ZNF423: variants seen among roughly 807,000 people sequenced by gnomAD.
ZNF423 encodes the protein Ebf-associated zinc finger protein.
ZNF423 carries 12 observed loss-of-function variants against 95.8 expected under a neutral mutation model. The ratio of observed to expected loss-of-function variants is 0.13; its 90% confidence interval spans 0.08 to 0.20. The LOEUF (loss-of-function observed/expected upper bound fraction) is 0.20. Among genes scored for constraint, ZNF423 ranks in the 10% least tolerant of loss-of-function variants. The pLI, the probability that ZNF423 is intolerant of heterozygous loss-of-function variation, is 1.00. For missense variants in ZNF423, 1,316 were observed against 1,737.1 expected, an observed-to-expected ratio of 0.76 and a Z score of 4.31; for synonymous variants, 749 against 711.9, an observed-to-expected ratio of 1.05 and a Z score of -0.83.
chr16:49,744,473 C>T (rs184419758), intron 2 of ZNF423, among the ~76,000 whole-genome samples: 2 of 151,244 alleles, frequency 1.3e-5, no homozygotes, highest in African/African-American at 2.4e-5. Flanking sequence ...GTGGGGTGTC[C>T]CCAGGCCCAG....
intron 3 of ZNF423, among the ~76,000 whole-genome samples, chr16:49,666,680 G>A (rs2030562492): frequency 6.6e-6 from 1 of 152,176 alleles, no homozygotes; most frequent in Non-Finnish European, 1.5e-5. Flanking sequence ...TCAAGCTCCT[G>A]CCTAACAGCT....
At chr16:49,856,730 C>A (rs2035375151), upstream of ZNF423, among the ~76,000 whole-genome samples, 1 of 147,796 alleles carries the variant, frequency 6.8e-6, no homozygotes, top group African/African-American at 2.4e-5. Context: ...CGCGCCCGTG[C>A]CCCGGGCATC....
At chr16:49,739,369 A>T (rs140762942) in intron 2 of ZNF423, among the ~76,000 whole-genome samples, 12 of 152,194 alleles carry the variant, frequency 7.9e-5, no homozygotes, top group African/African-American at 2.4e-4. Flanking sequence ...GCTCCTGAGG[A>T]TGCAGGAGGA....
intron 3 of ZNF423, among the ~76,000 whole-genome samples, chr16:49,728,116 AG>A (rs2033074621): frequency 6.6e-6 from 1 of 152,122 alleles, no homozygotes; most frequent in Admixed American, 6.5e-5. Flanking sequence ...ACCACACCAT[AG>A]CCCCAGAGAT....
chr16:49,523,400 C>T (rs555560098), intron 7 of ZNF423, among the ~76,000 whole-genome samples: 1 of 152,364 alleles, frequency 6.6e-6, no homozygotes, highest in East Asian at 1.9e-4. Context: ...AAGCTTCTGA[C>T]TCCTGCTCTG....
intron 3 of ZNF423, among the ~76,000 whole-genome samples, chr16:49,699,826 A>C (rs975580952): frequency 6.6e-6 from 1 of 152,208 alleles, no homozygotes; most frequent in Non-Finnish European, 1.5e-5. Flanking sequence ...GAAGTGGGCT[A>C]AATTTTTATC....
chr16:49,707,197 C>G (rs2032381617), intron 3 of ZNF423, among the ~76,000 whole-genome samples: 1 of 152,178 alleles, frequency 6.6e-6, no homozygotes, highest in Non-Finnish European at 1.5e-5. Flanking sequence ...GTCACCTCTG[C>G]TTCCCCAGGG....
chr16:49,669,592 T>C (rs1359618023), intron 3 of ZNF423, among the ~76,000 whole-genome samples: 2 of 152,228 alleles, frequency 1.3e-5, no homozygotes, highest in African/African-American at 4.8e-5. Flanking sequence ...TTACGGGATC[T>C]GGGCCCACCA....
chr16:49,672,252 T>A (rs2030846984), intron 3 of ZNF423, among the ~76,000 whole-genome samples: 1 of 151,906 alleles, frequency 6.6e-6, no homozygotes, highest in South Asian at 2.1e-4. Flanking sequence ...AAAAAAAAAA[T>A]TCAGGTTTCT....
At chr16:49,538,801 GT>G (rs1289489710) in intron 5 of ZNF423, among the ~76,000 whole-genome samples, 1 of 152,208 alleles carries the variant, frequency 6.6e-6, no homozygotes, top group Non-Finnish European at 1.5e-5. Flanking sequence ...CCAAAAAGGA[GT>G]TTTCGTTGCA....
At chr16:49,693,134 C>T (rs2031849399) in intron 3 of ZNF423, among the ~76,000 whole-genome samples, 1 of 152,248 alleles carries the variant, frequency 6.6e-6, no homozygotes, top group Non-Finnish European at 1.5e-5. Context: ...GTTCTGAGCA[C>T]TTTAAATTGA....
intron 5 of ZNF423, among the ~76,000 whole-genome samples, chr16:49,574,237 T>C (rs1226977572): frequency 6.6e-6 from 1 of 152,090 alleles, no homozygotes; most frequent in African/African-American, 2.4e-5. Context: ...TTTTAAAAAT[T>C]AGCCATGCAT....
intron 1 of ZNF423, among the ~76,000 whole-genome samples, chr16:49,846,407 C>T (rs1378392283): frequency 6.6e-6 from 1 of 151,402 alleles, no homozygotes; most frequent in Non-Finnish European, 1.5e-5. Flanking sequence ...TTGCCAGAAA[C>T]ACACCCAAAG....
At chr16:49,703,184 G>A (rs4785182) in intron 3 of ZNF423, among the ~76,000 whole-genome samples, 37,584 of 152,134 alleles carry the variant, frequency 0.25, 5,010 homozygotes, top group South Asian at 0.42. Context: ...CTGCTTAACC[G>A]TGTCATGGCC....
intron 3 of ZNF423, among the ~76,000 whole-genome samples, chr16:49,670,051 C>G (rs2030736821): frequency 6.6e-6 from 1 of 151,762 alleles, no homozygotes; most frequent in Non-Finnish European, 1.5e-5. Context: ...AGTGGCCCCA[C>G]CACGAGAACA....
intron 5 of ZNF423, among the ~76,000 whole-genome samples, chr16:49,529,377 C>T (rs1414738381): frequency 1.3e-5 from 2 of 152,064 alleles, no homozygotes; most frequent in Non-Finnish European, 2.9e-5. Context: ...GCAGGAAAAT[C>T]CCAAAGTCCC....
chr16:49,772,187 G>T (rs762198006), intron 2 of ZNF423, among the ~76,000 whole-genome samples: 1 of 152,190 alleles, frequency 6.6e-6, no homozygotes, highest in Non-Finnish European at 1.5e-5. Context: ...GGCTGAAGGC[G>T]CAAGAAACAG....
intron 7 of ZNF423, among the ~76,000 whole-genome samples, chr16:49,520,370 C>T (rs1222244517): frequency 6.6e-6 from 1 of 152,194 alleles, no homozygotes; most frequent in Non-Finnish European, 1.5e-5. Context: ...GGACTCACAC[C>T]TCCCTTATAC....
In ZNF423 at chr16:49,635,798, G is replaced by C. The variant is rs148173134; in HGVS notation, c.3378C>G (p.Ala1126=). Residue 1126 remains alanine, a synonymous_variant, in exon 4 of 8, where the codon GCC becomes GCG. Transcript: ENST00000563137. This position sits in a 1 kb window ranked among gnomAD's most constrained non-coding sequence, Gnocchi z 4.8. ...APPEPADRPC[A]GLRCPECSVK... is the part of the protein sequence containing the mutation. ...CACTGCACTCGGGGCAACGGAGGCC[G>C]GCACAGGGCCGGTCGGCGGGCTCGG... 6.2e-7 allele frequency: 1 copy of C among 1,611,944 alleles called. No homozygotes were observed. The highest frequency in any genetic ancestry group is 8.5e-7 in the Non-Finnish European group (1 of 1,179,546).
Sources: gnomAD v4.1 joint callset for allele counts (sites outside exome capture counted in the v4.1 genomes callset) on GRCh38, gnomAD v4.1.1 for gene constraint, Gnocchi (gnomAD v3.1) non-coding constraint, MANE v1.5 for transcripts, NCBI Gene and HGNC (gene_info 2026-07-23, HGNC 2026-07-21) for gene names.